LIPA: variants seen among roughly 807,000 people sequenced by gnomAD.
The protein encoded by LIPA is lysosomal acid lipase/cholesteryl ester hydrolase.
In LIPA, 26 loss-of-function variants were observed where a neutral mutation model predicts 40.6. The observed-to-expected ratio is 0.64, with a 90% confidence interval of 0.47 to 0.89. The LOEUF is 0.89. LIPA is among the 40% of genes least tolerant of loss of function. LIPA has a pLI of 0.00. For missense variants in LIPA, 455 were observed against 479.6 expected (o/e 0.95, Z 0.48); for synonymous variants, 188 against 168.4 (o/e 1.12, Z -0.90).
chr10:89,383,860 A>T (rs780621453), intron 2 of LIPA: 43 of 1,614,096 alleles, frequency 2.7e-5, no homozygotes, highest in Non-Finnish European at 3.6e-5. Flanking sequence ...TGGGTACGCA[A>T]TCACCGTCTA....
At chr10:89,225,305 C>A (rs1407767668) in intron 5 of LIPA, 77 bp from the exon 6 acceptor site, 39 of 1,569,568 alleles carry the variant, frequency 2.5e-5, no homozygotes, top group Non-Finnish European at 3.3e-5. Flanking sequence ...GGCCGTCACT[C>A]GCGACGCCCT....
intron 1 of LIPA, chr10:89,327,986 A>G: frequency 7.1e-7 from 1 of 1,413,378 alleles, no homozygotes; most frequent in South Asian, 1.2e-5. Context: ...TTCCTTCAGT[A>G]TTTACTTGAG....
At chr10:89,239,857 C>T (rs556914158) in intron 3 of LIPA, among the ~76,000 whole-genome samples, 1 of 152,310 alleles carries the variant, frequency 6.6e-6, no homozygotes, top group Admixed American at 6.5e-5. Context: ...GTATACGATG[C>T]AGCTGGGAAT....
chr10:89,256,386 A>G (rs1187789833), upstream of LIPA, among the ~76,000 whole-genome samples: 1 of 152,236 alleles, frequency 6.6e-6, no homozygotes, highest in Non-Finnish European at 1.5e-5. Flanking sequence ...TAAAGTAAGC[A>G]TAAGTAGCAA....
At chr10:89,314,355 A>C (rs541571110) in intron 1 of LIPA, among the ~76,000 whole-genome samples, 1 of 152,374 alleles carries the variant, frequency 6.6e-6, no homozygotes, top group South Asian at 2.1e-4. Context: ...TCAAATCTGC[A>C]TGTGTACAAG....
rs372723457 is a variant in LIPA at position 89,402,587 on chromosome 10, G to A, written c.61+10204C>T. On this transcript the variant is annotated intron_variant, in intron 2 of 8. Transcript: ENST00000371837. ...TGACCTGGGGCAACTTTGCCTGGAT[G>A]TATTACCACATGGGCAGACTGGCAG... is the stretch of plus-strand genomic sequence containing the variant. 1.5e-5 allele frequency: 24 copies of A among 1,614,120 alleles called. No individual in the cohort carries two copies. The highest frequency in any genetic ancestry group is 1.9e-5 in the Non-Finnish European group (23 of 1,180,050).
intron 1 of LIPA, among the ~76,000 whole-genome samples, chr10:89,305,520 T>A (rs1050097579): frequency 6.6e-6 from 1 of 151,810 alleles, no homozygotes; most frequent in Admixed American, 6.6e-5. Flanking sequence ...GGCAAAACAT[T>A]AAAAGAATAA....
intron 2 of LIPA, among the ~76,000 whole-genome samples, chr10:89,382,457 A>G (rs1844170319): frequency 6.6e-6 from 1 of 152,134 alleles, no homozygotes; most frequent in Non-Finnish European, 1.5e-5. Flanking sequence ...ACTATTGGGG[A>G]AAAAAACCCT....
chr10:89,221,690 G>GT (rs1244340417), intron 8 of LIPA, among the ~76,000 whole-genome samples: 1 of 152,144 alleles, frequency 6.6e-6, no homozygotes. Context: ...TCCTGAGGTA[G>GT]AAAGAAGTCC....
At chr10:89,299,542 A>T (rs1179610180) in intron 1 of LIPA, among the ~76,000 whole-genome samples, 1 of 152,190 alleles carries the variant, frequency 6.6e-6, no homozygotes, top group East Asian at 1.9e-4. Flanking sequence ...GTTCTTCTCC[A>T]TGGCGCATTA....
At chr10:89,402,295 A>T (rs778763989) in intron 2 of LIPA, 78 of 1,608,826 alleles carry the variant, frequency 4.8e-5, no homozygotes, top group Non-Finnish European at 6.5e-5. Context: ...AATGGTGATG[A>T]TCATCAGGTC....
intron 1 of LIPA, among the ~76,000 whole-genome samples, chr10:89,301,035 A>G (rs1309942753): frequency 1.3e-5 from 2 of 152,204 alleles, no homozygotes; most frequent in East Asian, 3.8e-4. Context: ...GCATTTACTT[A>G]TTACTGCCAG....
At chr10:89,372,542 A>G (rs528239822) in intron 2 of LIPA, among the ~76,000 whole-genome samples, 1 of 152,374 alleles carries the variant, frequency 6.6e-6, no homozygotes, top group South Asian at 2.1e-4. Context: ...ATGACAGGTC[A>G]CTTGAGAAGA....
In LIPA at chr10:89,251,775, T is replaced by G. The variant is rs1843126737; in HGVS notation, c.-40A>C. ...GCCGGGCCGCTGTCTCGAGTCGCAGTGCCAGCTCTCAGGGGCCGGGGTGCG... is the reference window on the plus strand; with the variant it reads ...GCCGGGCCGCTGTCTCGAGTCGCAGGGCCAGCTCTCAGGGGCCGGGGTGCG... On this transcript the variant is annotated 5_prime_UTR_variant, in exon 1 of 10. Coordinates refer to ENST00000336233, the MANE Select transcript of LIPA (RefSeq NM_000235.4). 1 of 152,336 alleles carries G rather than the reference T, an allele frequency of 6.6e-6. No homozygotes were observed. The highest frequency in any genetic ancestry group is 6.5e-5 in the Admixed American group (1 of 15,292). The allele number at this position is 152,336 out of a possible 1,614,324, so 9.4% of individuals were successfully genotyped here.
chr10:89,333,646 G>A (rs1315597148), intron 1 of LIPA, among the ~76,000 whole-genome samples: 1 of 152,128 alleles, frequency 6.6e-6, no homozygotes, highest in Non-Finnish European at 1.5e-5. Flanking sequence ...ACCAGAATTG[G>A]CAACAAAGTG....
In LIPA at chr10:89,219,435, C is replaced by T. The variant is rs192957577; in HGVS notation, c.894+3076G>A. ...ATCAAGTCTTGGCTCTGGGGAGCTC[C>T]GAAATTCATCAGGTTTATAAGGAGA... On this transcript the variant is annotated intron_variant, in intron 8 of 9. Coordinates refer to ENST00000336233, the MANE Select transcript of LIPA (RefSeq NM_000235.4). Among the ~76,000 whole-genome samples, 569 of 152,082 alleles carry T rather than the reference C, an allele frequency of 3.7e-3. 2 individuals carry two copies. The highest frequency in any genetic ancestry group is 7.0e-3 in the Admixed American group (107 of 15,270).
At chr10:89,286,355 G>C (rs750706213) in intron 1 of LIPA, among the ~76,000 whole-genome samples, 1 of 151,706 alleles carries the variant, frequency 6.6e-6, no homozygotes, top group Non-Finnish European at 1.5e-5. Context: ...TAGCCAGGCC[G>C]AGCCAGTTCC....
intron 1 of LIPA, among the ~76,000 whole-genome samples, chr10:89,248,438 TTTTATA>T (rs1564765885): frequency 4.4e-5 from 2 of 45,000 alleles, no homozygotes; most frequent in African/African-American, 1.2e-4. Context: ...ATTATTATTA[TTTTATA>T]TTTATTTATT....
intron 2 of LIPA, among the ~76,000 whole-genome samples, chr10:89,351,974 C>G (rs1409822899): frequency 6.6e-6 from 1 of 152,204 alleles, no homozygotes; most frequent in Non-Finnish European, 1.5e-5. Context: ...TATACCCCCT[C>G]TTGGCCACGG....
Sources: gnomAD v4.1 joint callset for allele counts (sites outside exome capture counted in the v4.1 genomes callset) on GRCh38, gnomAD v4.1.1 for gene constraint, MANE v1.5 for transcripts, NCBI Gene and HGNC (gene_info 2026-07-23, HGNC 2026-07-21) for gene names.